Variants in PTPRD observed in about 807,000 individuals in gnomAD.
PTPRD encodes protein tyrosine phosphatase receptor type D.
A neutral mutation model predicts 214.5 loss-of-function variants in PTPRD; 34 were observed. The ratio of observed to expected loss-of-function variants is 0.16; its 90% CI spans 0.12 to 0.21. The LOEUF is 0.21. Among genes scored for constraint, PTPRD ranks in the 10% least tolerant of loss-of-function variants. PTPRD has a pLI of 1.00. For synonymous variants in PTPRD, 1,128 were observed against 845.7 expected (o/e 1.33, Z -5.79); for missense variants, 2,545 against 2,398.7 (o/e 1.06, Z -1.27).
rs73390819 is a variant in PTPRD at position 9,268,736 on chromosome 9, T to A, written c.-202-85373A>T. Among the ~76,000 whole-genome samples the A allele has an allele frequency of 9.9e-3, 1,484 of 150,258 alleles. 20 individuals are homozygous for A. The highest frequency in any genetic ancestry group is 0.034 in the African/African-American group (1,391 of 41,010). On this transcript the variant is annotated intron_variant, in intron 9 of 45. Transcript: ENST00000381196. The stretch of plus-strand genomic sequence containing the variant: ...ACCATCAACTCATCTTCAATGAAGA[T>A]GCCAAGAATACACAATGGAGAAAGG...
intron 14 of PTPRD, among the ~76,000 whole-genome samples, chr9:8,594,705 C>T (rs1390741365): frequency 2.0e-5 from 3 of 152,228 alleles, no homozygotes; most frequent in Admixed American, 1.3e-4. Context: ...CCATGTAAAA[C>T]GTGCCTGCTT....
In PTPRD at chr9:8,398,876, A is replaced by G. The variant is rs112684722; in HGVS notation, c.4210+5661T>C. Among the ~76,000 whole-genome samples the G allele has an allele frequency of 4.2e-3, 641 of 152,266 alleles. 5 individuals carry two copies. The highest frequency in any genetic ancestry group is 0.015 in the African/African-American group (626 of 41,536). Reference sequence around the variant, plus strand: ...GTTTATAAATTACCCAGTCTGTGGTATTTTGTTATAGCAGCACAAATGGAC... The same window carrying G: ...GTTTATAAATTACCCAGTCTGTGGTGTTTTGTTATAGCAGCACAAATGGAC... On this transcript the variant is annotated intron_variant, in intron 36 of 45. Transcript: ENST00000381196.
intron 5 of PTPRD, among the ~76,000 whole-genome samples, chr9:9,858,644 G>A (rs2062031028): frequency 6.6e-6 from 1 of 151,918 alleles, no homozygotes; most frequent in Non-Finnish European, 1.5e-5. Context: ...TATTAGTATA[G>A]GTAAACAAAC....
Position 8,525,137 on chromosome 9 carries a change from A to T in PTPRD, c.569-102T>A, listed in dbSNP as rs371209629. On this transcript the variant is annotated intron_variant, in intron 17 of 45. Transcript: ENST00000381196. Reference sequence around the variant, plus strand: ...CAATATGAAAAGCCCTGCAAAGCGAAGGTCCACTCAACGTCGATTCAATCT... The same window carrying T: ...CAATATGAAAAGCCCTGCAAAGCGATGGTCCACTCAACGTCGATTCAATCT... 276 of 968,912 alleles carry T rather than the reference A, an allele frequency of 2.8e-4. 2 individuals are homozygous for T. The highest frequency in any genetic ancestry group is 1.0e-3 in the Middle Eastern group (5 of 4,898). 60.0% of individuals were successfully genotyped at this position (968,912 alleles called of 1,614,324 possible).
intron 6 of PTPRD, among the ~76,000 whole-genome samples, chr9:9,744,123 T>C (rs969343934): frequency 3.3e-5 from 5 of 152,130 alleles, no homozygotes; most frequent in African/African-American, 1.2e-4. Context: ...CCATTTTCGA[T>C]AGGAATTTTA....
At chr9:8,573,598 T>A (rs969274761) in intron 14 of PTPRD, among the ~76,000 whole-genome samples, 8 of 151,952 alleles carry the variant, frequency 5.3e-5, no homozygotes, top group Non-Finnish European at 1.0e-4. Flanking sequence ...GATGGAGCCA[T>A]CTTTCTTGAC....
chr9:9,495,082 T>C (rs1333675323), intron 8 of PTPRD, among the ~76,000 whole-genome samples: 5 of 152,072 alleles, frequency 3.3e-5, no homozygotes, highest in Admixed American at 6.6e-5. Flanking sequence ...GTCTTTTCAA[T>C]AAATGGTACT....
intron 3 of PTPRD, among the ~76,000 whole-genome samples, chr9:10,270,636 A>G (rs1322155): frequency 0.55 from 83,744 of 152,000 alleles, 24,959 homozygotes; most frequent in Non-Finnish European, 0.68. Flanking sequence ...CAGGCTCAAT[A>G]ATGACAATTA....
intron 7 of PTPRD, among the ~76,000 whole-genome samples, chr9:9,718,729 G>A (rs910982543): frequency 1.3e-5 from 2 of 152,198 alleles, no homozygotes; most frequent in Admixed American, 1.3e-4. Context: ...CTGTACTTGG[G>A]GGCAGCACTG....
intron 8 of PTPRD, among the ~76,000 whole-genome samples, chr9:9,458,350 A>G (rs2093295421): frequency 1.3e-5 from 2 of 151,988 alleles, no homozygotes; most frequent in Non-Finnish European, 2.9e-5. Context: ...TTGTACCACT[A>G]TTTTTTTAGT....
At chr9:9,596,092 C>G (rs1480578474) in intron 7 of PTPRD, among the ~76,000 whole-genome samples, 2 of 151,924 alleles carry the variant, frequency 1.3e-5, no homozygotes, top group Non-Finnish European at 2.9e-5. Flanking sequence ...TTAGATATAA[C>G]CATAGTACCC....
At chr9:10,503,838 T>C (rs918398860) in intron 2 of PTPRD, among the ~76,000 whole-genome samples, 23 of 151,822 alleles carry the variant, frequency 1.5e-4, no homozygotes, top group African/African-American at 5.5e-4. Context: ...ATACGAAGGC[T>C]GGGCGCGGGG....
intron 10 of PTPRD, among the ~76,000 whole-genome samples, chr9:9,144,753 A>AAAAC (rs543141728): frequency 2.0e-5 from 3 of 152,140 alleles, no homozygotes; most frequent in Non-Finnish European, 4.4e-5. Context: ...ACTCTGTCAA[A>AAAAC]AAACAAACAA....
chr9:10,543,003 G>T (rs1430031080), intron 2 of PTPRD, among the ~76,000 whole-genome samples: 1 of 151,902 alleles, frequency 6.6e-6, no homozygotes, highest in Non-Finnish European at 1.5e-5. Context: ...CACCTTCCTT[G>T]GTCTCCCAAA....
chr9:9,098,576 A>C lies in PTPRD; in HGVS notation c.-142-79841T>G, dbSNP rs1245421754. On this transcript the variant is annotated intron_variant, in intron 10 of 45. Transcript: ENST00000381196. The stretch of plus-strand genomic sequence containing the variant: ...TTATTTCTTTTTAGTTATTATTTAC[A>C]TTTATTATTATTACAATTTGAGTGT... 2.0e-5 allele frequency among the ~76,000 whole-genome samples: 3 copies of C among 152,136 alleles called. No individual in the cohort carries two copies. In the East Asian group the frequency reaches 5.8e-4, roughly 29 times the overall value.
At chr9:8,735,147 T>TG (rs2089902342) in intron 11 of PTPRD, among the ~76,000 whole-genome samples, 2 of 138,502 alleles carry the variant, frequency 1.4e-5, no homozygotes, top group Admixed American at 7.4e-5. Context: ...TGTTTTTTTT[T>TG]TTCTGTTTTT....
chr9:8,532,812 G>GC (rs1349585199), intron 14 of PTPRD, among the ~76,000 whole-genome samples: 8 of 152,010 alleles, frequency 5.3e-5, no homozygotes, highest in South Asian at 2.1e-4. Flanking sequence ...TGGAATGGCA[G>GC]CTATAATAGA....
rs1025576031 is a variant in PTPRD at position 9,573,002 on chromosome 9, T to C, written c.-237+1730A>G. Among the ~76,000 whole-genome samples, 5 of 151,722 alleles carry C rather than the reference T, an allele frequency of 3.3e-5. No individual in the cohort carries two copies. The East Asian group carries it at 9.7e-4, about 29-fold the overall frequency. On this transcript the variant is annotated intron_variant, in intron 8 of 45. Coordinates refer to ENST00000381196, the MANE Select transcript of PTPRD (RefSeq NM_002839.4). ...TGAAGCAGAACATGAGCATATCCTA[T>C]GTACACAACAAAATACATACATGTG...
intron 8 of PTPRD, among the ~76,000 whole-genome samples, chr9:9,479,041 A>G (rs1194521802): frequency 6.6e-6 from 1 of 152,108 alleles, no homozygotes; most frequent in Non-Finnish European, 1.5e-5. Flanking sequence ...TAATCACACA[A>G]TGGTTCATAA....
Sources: gnomAD v4.1 joint callset for allele counts (sites outside exome capture counted in the v4.1 genomes callset) on GRCh38, gnomAD v4.1.1 for gene constraint, MANE v1.5 for transcripts, NCBI Gene and HGNC (gene_info 2026-07-23, HGNC 2026-07-21) for gene names.